C12orf75: variants seen among roughly 807,000 people sequenced by gnomAD.
C12orf75 encodes the protein chromosome 12 open reading frame 75, also known as overexpressed in colon carcinoma 1 protein.
C12orf75 carries 4 observed loss-of-function variants against 11.4 expected under a neutral mutation model. That is an observed-to-expected ratio of 0.35 (90% CI 0.17 to 0.80). The LOEUF is 0.80. Ranked by LOEUF, C12orf75 falls within the 30% of genes least tolerant of loss-of-function variation. The probability of loss-of-function intolerance (pLI) is 0.52; values close to 1 mark genes in which losing one functional copy is unlikely to be tolerated. For synonymous variants in C12orf75, 30 were observed against 30.0 expected (o/e 1.00, Z 0.00); for missense variants, 89 against 80.4 (o/e 1.11, Z -0.41).
At chr12:105,366,479 C>T (rs1475468357) in intron 3 of C12orf75, 138 bp from the exon 4 acceptor site, 2 of 427,886 alleles carry the variant, frequency 4.7e-6, no homozygotes, top group East Asian at 3.5e-5. Context: ...TCCCAAGGGC[C>T]ATAATATTCT....
intron 1 of C12orf75, among the ~76,000 whole-genome samples, chr12:105,346,809 T>A (rs570796756): frequency 6.6e-6 from 1 of 152,350 alleles, no homozygotes; most frequent in East Asian, 1.9e-4. Flanking sequence ...ACAGACTTAT[T>A]TACTTACTTT....
At position 105,337,204 on chromosome 12, in the gene C12orf75, A is replaced by G. The variant is rs145391709; in HGVS notation, c.46+6267A>G. On this transcript the variant is annotated intron_variant, in intron 1 of 5. Coordinates refer to ENST00000443585, the MANE Select transcript of C12orf75 (RefSeq NM_001145199.2). ...CCAGGCGTGGTGGCGCACACCTGTAATCCCAGCTGCTTGGGAGGCTGAAGT... is the reference window on the plus strand; with the variant it reads ...CCAGGCGTGGTGGCGCACACCTGTAGTCCCAGCTGCTTGGGAGGCTGAAGT... Among the ~76,000 whole-genome samples, 552 of 152,232 alleles carry G rather than the reference A, an allele frequency of 3.6e-3. 3 individuals carry two copies. Among genetic ancestry groups the G allele is most frequent in the African/African-American group, 0.013 (522 of 41,524 alleles).
intron 2 of C12orf75, among the ~76,000 whole-genome samples, chr12:105,361,903 A>G (rs1450638874): frequency 6.6e-6 from 1 of 152,192 alleles, no homozygotes; most frequent in East Asian, 1.9e-4. Flanking sequence ...AGATGAATAG[A>G]TTCTAATGTA....
At chr12:105,347,353 A>G (rs919595130) in intron 1 of C12orf75, among the ~76,000 whole-genome samples, 1 of 152,222 alleles carries the variant, frequency 6.6e-6, no homozygotes, top group African/African-American at 2.4e-5. Context: ...GCCGTCTGCA[A>G]GCTGAGGGGC....
rs1442763541 is a variant in C12orf75, at chr12:105,330,860, T to C, written c.-32T>C. The C allele has an allele frequency of 8.0e-7, 1 of 1,251,960 alleles. No homozygotes were observed. The highest frequency in any genetic ancestry group is 3.2e-5 in the East Asian group (1 of 30,974). The allele number at this position is 1,251,960 out of a possible 1,614,324, so 77.6% of individuals were successfully genotyped here. ...GCCCCCAGGACCCGCGGCCGAGAGC[T>C]CCGGAGCGCGGCTTCCCCGGCCGGC... On this transcript the variant is annotated 5_prime_UTR_variant, in exon 1 of 6. Coordinates refer to ENST00000443585, the MANE Select transcript of C12orf75 (RefSeq NM_001145199.2).
chr12:105,348,780 AGT>A (rs1892674048), intron 2 of C12orf75, among the ~76,000 whole-genome samples, 154 bp downstream of exon 2: 1 of 152,238 alleles, frequency 6.6e-6, no homozygotes, highest in Non-Finnish European at 1.5e-5. Flanking sequence ...TTGTAACTAA[AGT>A]GCTATTCAGA....
At chr12:105,354,302 G>C (rs1592881716) in intron 2 of C12orf75, among the ~76,000 whole-genome samples, 1 of 152,240 alleles carries the variant, frequency 6.6e-6, no homozygotes, top group African/African-American at 2.4e-5. Context: ...AACTGTGCAG[G>C]GTGATCATCT....
intron 1 of C12orf75, among the ~76,000 whole-genome samples, chr12:105,335,237 A>G (rs1892486392): frequency 6.6e-6 from 1 of 152,120 alleles, no homozygotes; most frequent in Non-Finnish European, 1.5e-5. Context: ...TGGGCCCAAT[A>G]TTTTAGATTA....
At chr12:105,336,530 G>A (rs1306491087) in intron 1 of C12orf75, among the ~76,000 whole-genome samples, 1 of 152,228 alleles carries the variant, frequency 6.6e-6, no homozygotes, top group Non-Finnish European at 1.5e-5. Context: ...CACAGCTGGT[G>A]TAGAAGGAAG....
intron 2 of C12orf75, among the ~76,000 whole-genome samples, chr12:105,364,903 G>A (rs926515769): frequency 4.1e-5 from 6 of 146,724 alleles, no homozygotes; most frequent in Non-Finnish European, 7.4e-5. Context: ...GTGTAATGGC[G>A]TGATCTCTGC....
intron 5 of C12orf75, 21 bp from the exon 6 acceptor site, chr12:105,370,613 C>T: frequency 2.2e-6 from 1 of 457,600 alleles, no homozygotes; most frequent in Non-Finnish European, 4.4e-6. Flanking sequence ...ACTCTTTTCT[C>T]CTCTTCTGTT....
chr12:105,345,234 A>G (rs1052163249), intron 1 of C12orf75, among the ~76,000 whole-genome samples: 8 of 152,160 alleles, frequency 5.3e-5, no homozygotes, highest in Admixed American at 6.5e-5. Context: ...CATGTCTGTA[A>G]CCCTAACACT....
chr12:105,348,319 G>A (rs896960975), intron 1 of C12orf75, among the ~76,000 whole-genome samples: 4 of 151,924 alleles, frequency 2.6e-5, no homozygotes, highest in Non-Finnish European at 5.9e-5. Flanking sequence ...GGAGGCTGAG[G>A]TGTGAGGATC....
intron 1 of C12orf75, among the ~76,000 whole-genome samples, chr12:105,347,745 C>G (rs1892657138): frequency 6.6e-6 from 1 of 152,188 alleles, no homozygotes; most frequent in African/African-American, 2.4e-5. Flanking sequence ...TTCTTCAGTT[C>G]AATCAAGTAG....
rs527697918 is a variant in C12orf75, at chr12:105,361,061, C to A, written c.72-4746C>A. 1.0e-3 allele frequency among the ~76,000 whole-genome samples: 155 copies of A among 152,222 alleles called. 1 individual carries two copies. The highest frequency in any genetic ancestry group is 3.4e-3 in the Middle Eastern group (1 of 294). On this transcript the variant is annotated intron_variant, in intron 2 of 5. Coordinates refer to ENST00000443585, the MANE Select transcript of C12orf75 (RefSeq NM_001145199.2). The stretch of plus-strand genomic sequence containing the variant: ...AAAGTGTTGGGATTAAAGGTGTGAG[C>A]CACCGCGCCTGCCCTGTAGATCATT...
chr12:105,338,427 G>T (rs1892522874), intron 1 of C12orf75, among the ~76,000 whole-genome samples: 1 of 152,186 alleles, frequency 6.6e-6, no homozygotes, highest in Non-Finnish European at 1.5e-5. Context: ...ACCCGTCTTG[G>T]CCTCCCAGAG....
At chr12:105,337,949 G>T (rs1892517089) in intron 1 of C12orf75, among the ~76,000 whole-genome samples, 1 of 151,970 alleles carries the variant, frequency 6.6e-6, no homozygotes, top group Admixed American at 6.6e-5. Context: ...AGTTATCTTG[G>T]CTTCCATGTT....
At chr12:105,337,632 C>T (rs1047640266) in intron 1 of C12orf75, among the ~76,000 whole-genome samples, 1 of 152,114 alleles carries the variant, frequency 6.6e-6, no homozygotes, top group Non-Finnish European at 1.5e-5. Flanking sequence ...AATCTGAAAA[C>T]TATGTCAAAG....
intron 1 of C12orf75, among the ~76,000 whole-genome samples, chr12:105,331,303 A>G (rs555624352): frequency 3.1e-4 from 47 of 151,708 alleles, no homozygotes; most frequent in Admixed American, 2.7e-3. Context: ...TTGCTCCTCC[A>G]GGCCTCTCCC....
Sources: gnomAD v4.1 joint callset for allele counts (sites outside exome capture counted in the v4.1 genomes callset) on GRCh38, gnomAD v4.1.1 for gene constraint, MANE v1.5 for transcripts, NCBI Gene and HGNC (gene_info 2026-07-23, HGNC 2026-07-21) for gene names.